The following GABRR3 variants were observed in gnomAD, a reference collection of about 807,000 sequenced individuals.
The protein encoded by GABRR3 is gamma-aminobutyric acid receptor subunit rho-3.
In GABRR3, 29 loss-of-function variants were observed where a neutral mutation model predicts 43.2. The observed-to-expected ratio is 0.67, with a 90% CI of 0.50 to 0.92. The LOEUF (loss-of-function observed/expected upper bound fraction) is 0.92, where lower values mean the gene tolerates loss of function less well. Among genes scored for constraint, GABRR3 ranks in the 40% least tolerant of loss-of-function variants. The probability of loss-of-function intolerance (pLI) is 0.00; values close to 1 mark genes in which losing one functional copy is unlikely to be tolerated. For synonymous variants in GABRR3, 206 were observed against 195.9 expected, an observed-to-expected ratio of 1.05 and a Z score of -0.43; for missense variants, 576 against 572.3, an observed-to-expected ratio of 1.01 and a Z score of -0.07.
chr3:98,000,042 G>A (rs1041804720), intron 8 of GABRR3: 1 of 151,898 alleles, frequency 6.6e-6, no homozygotes, highest in Non-Finnish European at 1.5e-5. Flanking sequence ...AAGTGAGGGT[G>A]GTAGGAAGCA....
intron 8 of GABRR3, chr3:97,997,844 G>T (rs1407197358): frequency 1.3e-5 from 2 of 152,148 alleles, no homozygotes; most frequent in African/African-American, 2.4e-5. Flanking sequence ...GTACAAAAAG[G>T]ACATGTCTTC....
intron 9 of GABRR3, among the ~76,000 whole-genome samples, chr3:97,992,446 G>A (rs959459607): frequency 3.3e-5 from 5 of 152,182 alleles, no homozygotes; most frequent in Admixed American, 2.0e-4. Flanking sequence ...TGACCTTGGT[G>A]TGAGAGTTCA....
chr3:98,034,176 T>C (rs1707123872), intron 2 of GABRR3, among the ~76,000 whole-genome samples: 1 of 152,064 alleles, frequency 6.6e-6, no homozygotes, highest in Admixed American at 6.6e-5. Context: ...ATATGGGTAG[T>C]AGGGTGACAA....
At chr3:98,024,366 CAAAAAAAAAAAAA>C (rs35090836) in intron 3 of GABRR3, among the ~76,000 whole-genome samples, 1 of 42,466 alleles carries the variant, frequency 2.4e-5, no homozygotes, top group Admixed American at 2.3e-4. Context: ...GACTCCGTCT[CAAAAAAAAAAAAA>C]AAAAAAAAAA....
rs1307137851 is a variant in GABRR3, at chr3:98,025,447, CCTT to C, written c.238+117_238+119del. On this transcript the variant is annotated intron_variant, in intron 3 of 9. Coordinates refer to ENST00000621172, the Ensembl canonical transcript of GABRR3. The stretch of plus-strand genomic sequence containing the variant: ...ATTAAAGAGAAGGTGATTGTAAAAG[CCTT>C]CTTTTTTTGTTTTAAACTGATGGAC... 32 of 600,334 alleles carry C rather than the reference CCTT, an allele frequency of 5.3e-5. 1 individual carries two copies. Among genetic ancestry groups the C allele is most frequent in the Admixed American group, 2.4e-4 (7 of 28,870 alleles). The allele number at this position is 600,334 out of a possible 1,614,324, so 37.2% of individuals were successfully genotyped here.
intron 3 of GABRR3, among the ~76,000 whole-genome samples, chr3:98,019,434 A>AT (rs1344592229): frequency 2.6e-5 from 4 of 151,910 alleles, no homozygotes; most frequent in South Asian, 2.1e-4. Context: ...CCTCGGTATC[A>AT]TTTTTTTACT....
intron 8 of GABRR3, chr3:98,000,562 A>C (rs1706625059): frequency 6.6e-6 from 1 of 152,170 alleles, no homozygotes; most frequent in South Asian, 2.1e-4. Context: ...TTGTAGATTG[A>C]ATATTTTAAT....
intron 7 of GABRR3, among the ~76,000 whole-genome samples, chr3:98,002,592 C>G (rs1053857250): frequency 4.6e-5 from 7 of 151,920 alleles, no homozygotes; most frequent in Non-Finnish European, 8.8e-5. Flanking sequence ...TTTTTTTTCT[C>G]ATACATTTCT....
At position 98,008,954 on chromosome 3, in the gene GABRR3, AC is replaced by A; in HGVS notation, c.613+1del. On this transcript the variant is annotated splice_donor_variant, in intron 6 of 9. Transcript: ENST00000621172. LOFTEE classifies it high-confidence loss of function. ...CTCACTCCACCAGGAAGTGAGACTT[AC>A]AGCTTTCCAGTTCAAGAGAACAATT... is the stretch of plus-strand genomic sequence containing the variant. 6.3e-7 allele frequency: 1 copy of A among 1,588,614 alleles called. No individual in the cohort carries two copies. The highest frequency in any genetic ancestry group is 8.6e-7 in the Non-Finnish European group (1 of 1,163,048).
chr3:97,991,913 C>T (rs1282444334), intron 9 of GABRR3, among the ~76,000 whole-genome samples: 2 of 151,992 alleles, frequency 1.3e-5, no homozygotes, highest in African/African-American at 4.8e-5. Flanking sequence ...TATAGATATT[C>T]TCTACATGGG....
chr3:98,004,011 G>A (rs952212365), intron 7 of GABRR3, among the ~76,000 whole-genome samples: 1 of 152,134 alleles, frequency 6.6e-6, no homozygotes, highest in Non-Finnish European at 1.5e-5. Flanking sequence ...TTGCCATACA[G>A]TAGAAAGAAG....
In GABRR3 at chr3:98,032,832, T is replaced by G. The variant is rs116233876; in HGVS notation, c.125+2031A>C. Among the ~76,000 whole-genome samples, 138 of 152,296 alleles carry G rather than the reference T, an allele frequency of 9.1e-4. 1 individual carries two copies. Among genetic ancestry groups the G allele is most frequent in the Non-Finnish European group, 1.1e-3 (73 of 68,026 alleles). ...TTTCAAAGATCATGTCTTCCTTTCATGTTCACTCTATTAGTTCTTTTGCAT... is the reference window on the plus strand; with the variant it reads ...TTTCAAAGATCATGTCTTCCTTTCAGGTTCACTCTATTAGTTCTTTTGCAT... On this transcript the variant is annotated intron_variant, in intron 2 of 9. Coordinates refer to ENST00000621172, the Ensembl canonical transcript of GABRR3.
At chr3:98,008,820 AAGCC>A in intron 6 of GABRR3, 132 bp downstream of exon 6, 1 of 318,088 alleles carries the variant, frequency 3.1e-6, no homozygotes, top group Non-Finnish European at 5.5e-6. Context: ...AAAAAAAAAG[AAGCC>A]ACAATTGTTT....
At chr3:98,003,346 T>C (rs1286205266) in intron 7 of GABRR3, among the ~76,000 whole-genome samples, 1 of 151,686 alleles carries the variant, frequency 6.6e-6, no homozygotes, top group Non-Finnish European at 1.5e-5. Flanking sequence ...TTTCTGTTCA[T>C]TATTAACTTG....
At chr3:98,002,317 G>A (rs551883128) in intron 7 of GABRR3, among the ~76,000 whole-genome samples, 104 of 152,218 alleles carry the variant, frequency 6.8e-4, no homozygotes, top group African/African-American at 2.4e-3. Flanking sequence ...TGTGCATGAT[G>A]AATCTGCAAA....
intron 9 of GABRR3, among the ~76,000 whole-genome samples, chr3:97,991,553 C>G (rs531548839): frequency 1.7e-4 from 26 of 152,300 alleles, no homozygotes; most frequent in Middle Eastern, 3.4e-3. Context: ...AAAATCAGCT[C>G]TTATTAGAGC....
chr3:98,025,204 TC>T (rs1706995486), intron 3 of GABRR3, among the ~76,000 whole-genome samples: 1 of 152,150 alleles, frequency 6.6e-6, no homozygotes, highest in Non-Finnish European at 1.5e-5. Context: ...TACTAATTCT[TC>T]CCCCAAAGCA....
intron 7 of GABRR3, among the ~76,000 whole-genome samples, chr3:98,001,998 C>G (rs546765314): frequency 2.2e-4 from 33 of 152,052 alleles, no homozygotes; most frequent in Non-Finnish European, 4.0e-4. Context: ...ACCCGCAGTT[C>G]AGGGATGAAT....
intron 3 of GABRR3, among the ~76,000 whole-genome samples, chr3:98,023,825 A>C (rs1706980526): frequency 6.6e-6 from 1 of 152,216 alleles, no homozygotes; most frequent in South Asian, 2.1e-4. Context: ...CACCTAATAC[A>C]GTGATCACCT....
Sources: gnomAD v4.1 joint callset for allele counts (sites outside exome capture counted in the v4.1 genomes callset) on GRCh38, gnomAD v4.1.1 for gene constraint, MANE v1.5 for transcripts, NCBI Gene and HGNC (gene_info 2026-07-23, HGNC 2026-07-21) for gene names.